The following PSEN1 variants were observed in gnomAD, a reference collection of about 807,000 sequenced individuals.
The protein encoded by PSEN1 is presenilin 1.
A neutral mutation model predicts 53.5 loss-of-function variants in PSEN1; 15 were observed. That is an observed-to-expected ratio of 0.28 (90% CI 0.19 to 0.43). PSEN1 has a LOEUF of 0.43. PSEN1 is among the 20% of genes least tolerant of loss of function. The pLI, the probability that PSEN1 is intolerant of heterozygous loss-of-function variation, is 1.00. For synonymous variants in PSEN1, 208 were observed against 209.8 expected (o/e 0.99, Z 0.08); for missense variants, 387 against 571.2 (o/e 0.68, Z 3.29).
intron 7 of PSEN1, among the ~76,000 whole-genome samples, chr14:73,195,098 T>C (rs1898887021): frequency 1.3e-5 from 2 of 152,242 alleles, no homozygotes; most frequent in African/African-American, 4.8e-5. Flanking sequence ...AGTAACCATC[T>C]ATTCTTGCTT....
chr14:73,198,052 C>G lies in PSEN1; in HGVS notation c.791C>G (p.Pro264Arg). 1 of 1,609,902 alleles carries G rather than the reference C, an allele frequency of 6.2e-7. No homozygotes were observed. Among genetic ancestry groups the G allele is most frequent in the Non-Finnish European group, 8.5e-7 (1 of 1,176,770 alleles). ...SVYDLVAVLC[P>R]KGPLRMLVET... ...CTAGATTTAGTGGCTGTTTTGTGTC[C>G]GAAAGGTCCACTTCGTATGCTGGTT... is the stretch of plus-strand genomic sequence containing the variant. The change falls in exon 8 of 12, where the codon CCG becomes CGG. Residue 264 changes from proline to arginine, a missense_variant. Physicochemically the swap from Pro to Arg is moderately radical, Grantham distance 103 (BLOSUM62 -2). This residue lies in a region of PSEN1 where 169 missense variants were observed against 299.7 expected (regional missense o/e 0.56). Coordinates refer to ENST00000324501, the MANE Select transcript of PSEN1 (RefSeq NM_000021.4).
At chr14:73,140,830 G>A (rs934439760) in intron 1 of PSEN1, among the ~76,000 whole-genome samples, 1 of 152,142 alleles carries the variant, frequency 6.6e-6, no homozygotes, top group African/African-American at 2.4e-5. Flanking sequence ...AAAACAAGTT[G>A]CTATAGTAAC....
rs73305034 is a variant in PSEN1, at chr14:73,167,619, C to T, written c.88-3178C>T. On this transcript the variant is annotated intron_variant, in intron 3 of 11. Coordinates refer to ENST00000324501, the MANE Select transcript of PSEN1 (RefSeq NM_000021.4). Reference sequence around the variant, plus strand: ...GGATCATTCAAACTATAGCACCCTCCTTTATCCCTTACCCTATTCCATTAG... The same window carrying T: ...GGATCATTCAAACTATAGCACCCTCTTTTATCCCTTACCCTATTCCATTAG... Among the ~76,000 whole-genome samples the T allele has an allele frequency of 4.9e-3, 741 of 152,228 alleles. 5 individuals are homozygous for T. The highest frequency in any genetic ancestry group is 0.016 in the African/African-American group (681 of 41,540).
chr14:73,211,568 AC>A (rs1475044959), intron 9 of PSEN1, among the ~76,000 whole-genome samples, 200 bp from the exon 10 acceptor site: 1 of 152,174 alleles, frequency 6.6e-6, no homozygotes, highest in Non-Finnish European at 1.5e-5. Context: ...GGGAACCCAA[AC>A]AATTCAGGAT....
intron 4 of PSEN1, 77 bp downstream of exon 4, chr14:73,171,124 G>C (rs79330923): frequency 6.4e-7 from 1 of 1,563,726 alleles, no homozygotes; most frequent in Non-Finnish European, 8.7e-7. Context: ...CACCTTGAAG[G>C]CCTCTGCATT....
intron 8 of PSEN1, among the ~76,000 whole-genome samples, chr14:73,204,062 G>A (rs1357693489): frequency 6.6e-6 from 1 of 152,056 alleles, no homozygotes; most frequent in Non-Finnish European, 1.5e-5. Context: ...GCAATGGCAC[G>A]ATCTCGGCTC....
intron 3 of PSEN1, among the ~76,000 whole-genome samples, chr14:73,155,924 G>T (rs1594975512): frequency 6.6e-6 from 1 of 152,284 alleles, no homozygotes; most frequent in Admixed American, 6.5e-5. Flanking sequence ...GTCAATGTAG[G>T]TTCATCTGTT....
chr14:73,212,929 T>C (rs1899762669), intron 10 of PSEN1, among the ~76,000 whole-genome samples: 1 of 152,262 alleles, frequency 6.6e-6, no homozygotes, highest in African/African-American at 2.4e-5. Context: ...TAAGTAGTTT[T>C]AAGGAAACAA....
intron 7 of PSEN1, among the ~76,000 whole-genome samples, chr14:73,197,212 C>A (rs760656723): frequency 6.6e-6 from 1 of 152,090 alleles, no homozygotes; most frequent in African/African-American, 2.4e-5. Flanking sequence ...GGATTGCAGG[C>A]GTGAGCCACT....
intron 8 of PSEN1, among the ~76,000 whole-genome samples, chr14:73,201,439 A>G (rs960221570): frequency 1.4e-4 from 21 of 152,222 alleles, no homozygotes; most frequent in Non-Finnish European, 2.4e-4. Flanking sequence ...AAGTAAAACC[A>G]TACAGTATTT....
intron 3 of PSEN1, among the ~76,000 whole-genome samples, chr14:73,157,812 C>G (rs1476885584): frequency 6.6e-6 from 1 of 151,906 alleles, no homozygotes. Flanking sequence ...AACATGAAAC[C>G]CCTTCTCTAT....
At position 73,184,416 on chromosome 14, in the gene PSEN1, C is replaced by T. The variant is rs1337290937; in HGVS notation, c.481-2437C>T. Among the ~76,000 whole-genome samples, 4 of 114,772 alleles carry T rather than the reference C, an allele frequency of 3.5e-5. 1 individual carries two copies. Among genetic ancestry groups the T allele is most frequent in the African/African-American group, 9.4e-5 (3 of 31,892 alleles). 75.3% of individuals were successfully genotyped at this position (114,772 alleles called of 152,430 possible). ...CTGACCCCCCCACCTCCCTCTCCGACGGGGCGGCTGGCCTGGCAGAGGGGC... is the reference window on the plus strand; with the variant it reads ...CTGACCCCCCCACCTCCCTCTCCGATGGGGCGGCTGGCCTGGCAGAGGGGC... On this transcript the variant is annotated intron_variant, in intron 5 of 11. Coordinates refer to ENST00000324501, the MANE Select transcript of PSEN1 (RefSeq NM_000021.4).
Position 73,170,824 on chromosome 14 carries a change from AACG to A in PSEN1, c.118_120del (p.Asp40del), listed in dbSNP as rs759538127. 2.4e-4 allele frequency: 381 copies of A among 1,614,100 alleles called. No individual in the cohort carries two copies. The highest frequency in any genetic ancestry group is 3.0e-4 in the Non-Finnish European group (353 of 1,179,924). On this transcript the variant is annotated inframe_deletion, in exon 4 of 12. Transcript: ENST00000324501. ...TGACAATAGAGAACGGCAGGAGCAC[AACG>A]ACAGACGGAGCCTTGGCCACCCTGA...
chr14:73,181,705 T>C (rs1898219301), intron 5 of PSEN1, among the ~76,000 whole-genome samples: 1 of 152,238 alleles, frequency 6.6e-6, no homozygotes, highest in Admixed American at 6.5e-5. Context: ...TGATTCTCAC[T>C]GTTAAGGTCT....
chr14:73,147,227 G>A (rs1040249065), intron 1 of PSEN1, among the ~76,000 whole-genome samples: 8 of 151,962 alleles, frequency 5.3e-5, no homozygotes, highest in Non-Finnish European at 1.0e-4. Context: ...CTCGTGATCC[G>A]CCCGCCTTGG....
chr14:73,155,627 G>A (rs1006036076), intron 3 of PSEN1, among the ~76,000 whole-genome samples: 14 of 151,882 alleles, frequency 9.2e-5, no homozygotes, highest in Non-Finnish European at 1.0e-4. Flanking sequence ...TCTCAGCCTT[G>A]TGAATAGCTG....
intron 3 of PSEN1, among the ~76,000 whole-genome samples, chr14:73,163,751 G>A: frequency 6.6e-6 from 1 of 152,154 alleles, no homozygotes; most frequent in Non-Finnish European, 1.5e-5. Context: ...CCCTGAGCGG[G>A]GAACTAGAAG....
At chr14:73,166,744 T>C (rs1897729228) in intron 3 of PSEN1, among the ~76,000 whole-genome samples, 1 of 152,232 alleles carries the variant, frequency 6.6e-6, no homozygotes, top group Admixed American at 6.5e-5. Flanking sequence ...GCCACTCTGG[T>C]GACTTGAGTT....
intron 3 of PSEN1, among the ~76,000 whole-genome samples, chr14:73,161,594 A>T (rs111319748): frequency 9.8e-5 from 15 of 152,362 alleles, no homozygotes; most frequent in African/African-American, 3.6e-4. Flanking sequence ...GAGACACCCC[A>T]GGCTCAAGCT....
Sources: gnomAD v4.1 joint callset for allele counts (sites outside exome capture counted in the v4.1 genomes callset) on GRCh38, gnomAD v4.1.1 for gene constraint, gnomAD v4.1.1 regional missense constraint, MANE v1.5 for transcripts, NCBI Gene and HGNC (gene_info 2026-07-23, HGNC 2026-07-21) for gene names.